Variants in TNR observed in about 807,000 individuals in gnomAD.
The protein encoded by TNR is tenascin R.
Under a neutral mutation model 150.4 loss-of-function variants are expected in TNR, and 45 were observed. The observed-to-expected ratio is 0.30, with a 90% confidence interval of 0.24 to 0.38. TNR has a LOEUF of 0.38. Ranked by LOEUF, TNR falls within the 10% of genes least tolerant of loss-of-function variation. The probability of loss-of-function intolerance (pLI) is 1.00; values close to 1 mark genes in which losing one functional copy is unlikely to be tolerated. For missense variants in TNR, 1,544 were observed against 1,759.1 expected (o/e 0.88, Z 2.19); for synonymous variants, 687 against 678.4 (o/e 1.01, Z -0.20).
intron 2 of TNR, among the ~76,000 whole-genome samples, chr1:175,426,757 C>T (rs191401847): frequency 1.9e-4 from 25 of 130,866 alleles, no homozygotes; most frequent in Middle Eastern, 4.2e-3. Flanking sequence ...TCTATACACG[C>T]GTGTGTGTGT....
At chr1:175,331,069 C>CCTTCTCTTTCTTTCTTTCTTTCTTTCT (rs1166720814) in intron 20 of TNR, among the ~76,000 whole-genome samples, 1 of 127,636 alleles carries the variant, frequency 7.8e-6, no homozygotes, top group East Asian at 2.3e-4. Flanking sequence ...TTCTTTCTTT[C>CCTTCTCTTTCTTTCTTTCTTTCTTTCT]TTTCTTTCCT....
intron 18 of TNR, among the ~76,000 whole-genome samples, chr1:175,353,017 T>G (rs76130091): frequency 0.017 from 2,641 of 152,242 alleles, 87 homozygotes; most frequent in African/African-American, 0.061. Context: ...AGGCAGGATG[T>G]GGCTGAGTAT....
chr1:175,453,747 G>GT (rs1362706168), intron 2 of TNR, among the ~76,000 whole-genome samples: 1 of 151,500 alleles, frequency 6.6e-6, no homozygotes, highest in African/African-American at 2.4e-5. Flanking sequence ...AATTAAAAAA[G>GT]TTTTTTTTAG....
At chr1:175,683,303 A>G (rs974286269) in intron 1 of TNR, among the ~76,000 whole-genome samples, 1 of 152,140 alleles carries the variant, frequency 6.6e-6, no homozygotes, top group African/African-American at 2.4e-5. Context: ...TCCTAGAAAA[A>G]TCATATTTTT....
chr1:175,723,189 A>T (rs951852172), intron 1 of TNR, among the ~76,000 whole-genome samples: 4 of 152,332 alleles, frequency 2.6e-5, no homozygotes, highest in Non-Finnish European at 5.9e-5. Context: ...AGACTTAATT[A>T]TTTTCCCACA....
In TNR at chr1:175,406,764, G is replaced by A. The variant is rs1303880272; in HGVS notation, c.-50C>T. 6.3e-7 allele frequency: 1 copy of A among 1,581,684 alleles called. No homozygotes were observed. The highest frequency in any genetic ancestry group is 8.6e-7 in the Non-Finnish European group (1 of 1,164,900). On this transcript the variant is annotated 5_prime_UTR_variant, in exon 3 of 23. Coordinates refer to ENST00000367674, the MANE Select transcript of TNR (RefSeq NM_003285.3). ...AGGACCAGCCTGCAGCACACAGCATGGAGTTGTGGGAATCTGCAACGGAAA... is the reference window on the plus strand; with the variant it reads ...AGGACCAGCCTGCAGCACACAGCATAGAGTTGTGGGAATCTGCAACGGAAA...
chr1:175,491,452 C>A (rs546770334), intron 2 of TNR, among the ~76,000 whole-genome samples: 156 of 149,892 alleles, frequency 1.0e-3, no homozygotes, highest in African/African-American at 3.6e-3. Flanking sequence ...AGCACATGAC[C>A]TCCTGACTTC....
intron 1 of TNR, among the ~76,000 whole-genome samples, chr1:175,631,444 T>A (rs1265680128): frequency 6.6e-6 from 1 of 152,220 alleles, no homozygotes; most frequent in African/African-American, 2.4e-5. Context: ...CAACCCAAAT[T>A]TGTAAACTTT....
intron 1 of TNR, among the ~76,000 whole-genome samples, chr1:175,689,845 G>C (rs544163042): frequency 6.6e-6 from 1 of 152,176 alleles, no homozygotes; most frequent in Non-Finnish European, 1.5e-5. Flanking sequence ...TTCTCACTAA[G>C]TCCTTTTCTC....
chr1:175,559,485 C>G (rs541671804), intron 1 of TNR, among the ~76,000 whole-genome samples: 18 of 152,130 alleles, frequency 1.2e-4, no homozygotes, highest in Non-Finnish European at 4.4e-5. Flanking sequence ...CTACCTAGCC[C>G]TCCCTTTCCA....
At chr1:175,493,920 G>A (rs1037893961) in intron 2 of TNR, among the ~76,000 whole-genome samples, 2 of 152,040 alleles carry the variant, frequency 1.3e-5, no homozygotes, top group African/African-American at 4.8e-5. Context: ...ATCCTGACAG[G>A]AGCCTCCGTG....
At chr1:175,706,478 G>T (rs1218520927) in intron 1 of TNR, among the ~76,000 whole-genome samples, 1 of 152,128 alleles carries the variant, frequency 6.6e-6, no homozygotes, top group Non-Finnish European at 1.5e-5. Flanking sequence ...AAGGTGTGTG[G>T]TAAGGACCAA....
In TNR at chr1:175,706,869, G is replaced by A. The variant is rs753229165; in HGVS notation, c.-165+36357C>T. On this transcript the variant is annotated intron_variant, in intron 1 of 22. Transcript: ENST00000367674. ...CTGGTCTGTTTTGAAAGGTGAATCC[G>A]CAAGAAGTTGTAGCTTTCTGTCCTC... 8.5e-5 allele frequency among the ~76,000 whole-genome samples: 13 copies of A among 152,254 alleles called. No individual in the cohort carries two copies. The East Asian group carries it at 9.7e-4, about 11-fold the overall frequency.
At chr1:175,688,232 C>T (rs890163988) in intron 1 of TNR, among the ~76,000 whole-genome samples, 3 of 152,210 alleles carry the variant, frequency 2.0e-5, no homozygotes, top group Non-Finnish European at 2.9e-5. Context: ...AGCCCCAGTC[C>T]CACGGGGGTT....
chr1:175,362,163 C>T (rs1557885265), intron 14 of TNR, among the ~76,000 whole-genome samples: 2 of 152,142 alleles, frequency 1.3e-5, no homozygotes, highest in Admixed American at 6.5e-5. Context: ...GCTTTGGTCC[C>T]GGGTGAGGGA....
At position 175,485,693 on chromosome 1, in the gene TNR, A is replaced by G. The variant is rs965221792; in HGVS notation, c.-64+42576T>C. 1.3e-5 allele frequency among the ~76,000 whole-genome samples: 2 copies of G among 152,204 alleles called. 1 individual carries two copies. The highest frequency in any genetic ancestry group is 4.1e-4 in the South Asian group (2 of 4,824). ...ATCACAGCTCTCCCCCCACTTTTCA[A>G]GACAGAAAAGGAACTGGCCATGGGA... On this transcript the variant is annotated intron_variant, in intron 2 of 22. Coordinates refer to ENST00000367674, the MANE Select transcript of TNR (RefSeq NM_003285.3).
rs74127382 is a variant in TNR, at chr1:175,638,881, C to A, written c.-165+104345G>T. 8.7e-3 allele frequency among the ~76,000 whole-genome samples: 1,319 copies of A among 152,170 alleles called. 21 individuals carry two copies. Among genetic ancestry groups the A allele is most frequent in the African/African-American group, 0.027 (1,113 of 41,524 alleles). ...CTTATTTTATTTTGTAACTCTTATT[C>A]TTTCTTATGAAAATACAGAACTTTA... On this transcript the variant is annotated intron_variant, in intron 1 of 22. Transcript: ENST00000367674.
At chr1:175,433,452 A>G in intron 2 of TNR, among the ~76,000 whole-genome samples, 1 of 152,056 alleles carries the variant, frequency 6.6e-6, no homozygotes, top group East Asian at 1.9e-4. Context: ...CATCCAACAA[A>G]CCCTTCACAG....
chr1:175,524,151 C>G (rs531892013), intron 2 of TNR, among the ~76,000 whole-genome samples: 1 of 152,206 alleles, frequency 6.6e-6, no homozygotes, highest in South Asian at 2.1e-4. Flanking sequence ...ACTATCACAC[C>G]GTAGTTAGGC....
Sources: gnomAD v4.1 joint callset for allele counts (sites outside exome capture counted in the v4.1 genomes callset) on GRCh38, gnomAD v4.1.1 for gene constraint, MANE v1.5 for transcripts, NCBI Gene and HGNC (gene_info 2026-07-23, HGNC 2026-07-21) for gene names.